LHCGR: variants seen among roughly 807,000 people sequenced by gnomAD.
LHCGR encodes luteinizing hormone/choriogonadotropin receptor.
Under a neutral mutation model 60.7 loss-of-function variants are expected in LHCGR, and 55 were observed. The ratio of observed to expected loss-of-function variants is 0.91; its 90% CI spans 0.73 to 1.13. The LOEUF (loss-of-function observed/expected upper bound fraction) is 1.13, where lower values mean the gene tolerates loss of function less well. LHCGR is among the 50% of genes most tolerant of loss of function. The pLI is 0.00. For synonymous variants in LHCGR, 337 were observed against 316.5 expected (o/e 1.06, Z -0.69); for missense variants, 862 against 836.0 (o/e 1.03, Z -0.38).
At chr2:48,709,063 A>C in intron 7 of LHCGR, 41 bp from the exon 8 acceptor site, 2 of 1,484,402 alleles carry the variant, frequency 1.3e-6, no homozygotes, top group Non-Finnish European at 1.9e-6. Flanking sequence ...TTTGTACCTC[A>C]TGTGTAAGCA....
chr2:48,694,330 C>T (rs372605154), intron 9 of LHCGR, 26 bp from the exon 10 acceptor site: 6 of 1,477,100 alleles, frequency 4.1e-6, no homozygotes, highest in Non-Finnish European at 5.6e-6. Context: ...TTAAAAAAAG[C>T]ATTTGAGCTT....
intron 6 of LHCGR, 69 bp from the exon 7 acceptor site, chr2:48,714,123 C>T: frequency 1.9e-6 from 2 of 1,076,970 alleles, no homozygotes; most frequent in Non-Finnish European, 2.9e-6. Flanking sequence ...ACACATTTTT[C>T]CTCCTGTAAC....
chr2:48,722,480 T>G (rs1668542694), intron 6 of LHCGR, among the ~76,000 whole-genome samples: 1 of 152,202 alleles, frequency 6.6e-6, no homozygotes. Flanking sequence ...GGGAGGTGAC[T>G]GGATCATGGG....
intron 1 of LHCGR, among the ~76,000 whole-genome samples, chr2:48,740,646 G>A (rs1669406589): frequency 6.6e-6 from 1 of 151,970 alleles, no homozygotes; most frequent in Admixed American, 6.6e-5. Context: ...CTGTTAGAAG[G>A]AAAACTAACA....
At chr2:48,709,663 G>T (rs1572845147) in intron 7 of LHCGR, among the ~76,000 whole-genome samples, 3 of 152,236 alleles carry the variant, frequency 2.0e-5, no homozygotes, top group African/African-American at 7.2e-5. Flanking sequence ...AGTGTTGAGG[G>T]CCTCTACTCT....
chr2:48,687,791 C>A lies in LHCGR; in HGVS notation c.2006G>T (p.Gly669Val). The change falls in exon 11 of 11, where the codon GGA (glycine) becomes GTA (valine). Residue 669 changes from glycine to valine, a missense_variant. Physicochemically the swap from Gly to Val is moderately radical, Grantham distance 109. Coordinates refer to ENST00000294954, the MANE Select transcript of LHCGR (RefSeq NM_000233.4). ...GGTGGATTGAGAAGGCTTATTTGAT[C>A]CAGTGAAGCCATTTTTGCAGTTGGA... ...YTSNCKNGFT[G>V]SNKPSQSTLK... 1.9e-6 allele frequency: 3 copies of A among 1,614,098 alleles called. No homozygotes were observed. Among genetic ancestry groups the A allele is most frequent in the East Asian group, 2.2e-5 (1 of 44,884 alleles).
chr2:48,720,884 T>C (rs967413716), intron 6 of LHCGR: 1 of 152,222 alleles, frequency 6.6e-6, no homozygotes, highest in African/African-American at 2.4e-5. Context: ...TAAAAAGTAC[T>C]TAAAAACAGT....
rs779815833 is a variant in LHCGR at position 48,688,119 on chromosome 2, C to G, written c.1678G>C (p.Ala560Pro). The G allele has an allele frequency of 3.7e-6, 6 of 1,613,904 alleles. No individual in the cohort carries two copies. In the African/African-American group the frequency reaches 8.0e-5, roughly 22 times the overall value. ...GCAATCTTTGTATCTTTATTGGTAG[C>G]CATTAATTCTGGGTTTCGAACTGCA... ...YFAVRNPELM[A>P]TNKDTKIAKK... The change falls in exon 11 of 11, where the codon GCT becomes CCT. Residue 560 changes from alanine (A) to proline (P), a missense_variant. Physicochemically the swap from Ala to Pro is conservative, Grantham distance 27. Coordinates refer to ENST00000294954, the MANE Select transcript of LHCGR (RefSeq NM_000233.4). The surrounding 1 kb of genome is among the most constrained non-coding windows in gnomAD (Gnocchi z 5.2).
At position 48,742,204 on chromosome 2, in the gene LHCGR, G is replaced by C. The variant is rs1177569558; in HGVS notation, c.162-10906C>G. On this transcript the variant is annotated intron_variant, in intron 1 of 10. Transcript: ENST00000294954. ...CAGATTCATAAAGCAAGTCCTGAGT[G>C]ACCTACAAAGAGACTTAGACTCCCA... Among the ~76,000 whole-genome samples, 4 of 151,894 alleles carry C rather than the reference G, an allele frequency of 2.6e-5. No homozygotes were observed. In the East Asian group the frequency reaches 7.7e-4, roughly 29 times the overall value.
At chr2:48,689,062 C>T (rs1044151713) in intron 10 of LHCGR, among the ~76,000 whole-genome samples, 3 of 151,666 alleles carry the variant, frequency 2.0e-5, no homozygotes, top group African/African-American at 7.3e-5. Flanking sequence ...TATATACACA[C>T]ACATATATAC....
intron 9 of LHCGR, among the ~76,000 whole-genome samples, chr2:48,695,077 C>A (rs767638506): frequency 6.6e-6 from 1 of 152,070 alleles, no homozygotes; most frequent in Admixed American, 6.5e-5. Context: ...ATACAAGCAG[C>A]CAATAAGCAT....
chr2:48,737,809 G>A (rs1244124511), intron 1 of LHCGR, among the ~76,000 whole-genome samples: 1 of 152,200 alleles, frequency 6.6e-6, no homozygotes, highest in Non-Finnish European at 1.5e-5. Flanking sequence ...TGCAGTTACT[G>A]TACTAGGCTC....
At chr2:48,718,205 CT>C (rs1553393362) in intron 6 of LHCGR, among the ~76,000 whole-genome samples, 1 of 152,156 alleles carries the variant, frequency 6.6e-6, no homozygotes, top group Non-Finnish European at 1.5e-5. Flanking sequence ...CCTCCCCCAA[CT>C]TCTCTATTAC....
chr2:48,714,057 G>C lies in LHCGR; in HGVS notation c.537-3C>G. The C allele has an allele frequency of 1.2e-6, 2 of 1,609,794 alleles. No homozygotes were observed. ...CAAATCCATTTCCATATAGTTTGCT[G>C]AAGGAGGGAGGAGAGGGTTTAGGAA... On this transcript the variant is annotated splice_region_variant and splice_polypyrimidine_tract_variant and intron_variant, in intron 6 of 10. Transcript: ENST00000294954.
intron 1 of LHCGR, among the ~76,000 whole-genome samples, chr2:48,751,479 C>T (rs1294239705): frequency 1.3e-5 from 2 of 152,164 alleles, no homozygotes; most frequent in African/African-American, 4.8e-5. Flanking sequence ...TGAAGCCTTC[C>T]CTTGGAGACT....
At chr2:48,712,715 C>A (rs1432907175) in intron 7 of LHCGR, among the ~76,000 whole-genome samples, 2 of 150,964 alleles carry the variant, frequency 1.3e-5, no homozygotes, top group African/African-American at 2.4e-5. Flanking sequence ...AATAAATAAG[C>A]ACCTACTCTA....
chr2:48,694,751 G>T (rs1431056334), intron 9 of LHCGR, among the ~76,000 whole-genome samples: 1 of 152,088 alleles, frequency 6.6e-6, no homozygotes, highest in African/African-American at 2.4e-5. Flanking sequence ...CTGACATTAT[G>T]ATGTGAATTT....
intron 1 of LHCGR, among the ~76,000 whole-genome samples, chr2:48,751,793 A>T (rs951183784): frequency 1.3e-5 from 2 of 152,228 alleles, no homozygotes; most frequent in African/African-American, 4.8e-5. Context: ...GTACCAAGCC[A>T]ATATCTTGCC....
intron 8 of LHCGR, among the ~76,000 whole-genome samples, chr2:48,706,639 G>C (rs142186301): frequency 6.6e-6 from 1 of 151,728 alleles, no homozygotes; most frequent in Non-Finnish European, 1.5e-5. Flanking sequence ...TCATTAATTT[G>C]ATCTTCAATG....
Sources: allele counts gnomAD v4.1 joint callset (sites outside exome capture counted in the v4.1 genomes callset), GRCh38; gene constraint gnomAD v4.1.1; non-coding constraint Gnocchi (gnomAD v3.1); transcripts MANE v1.5; gene names NCBI Gene and HGNC (gene_info 2026-07-23, HGNC 2026-07-21).